The following BMPER variants were observed in gnomAD, a reference collection of about 807,000 sequenced individuals.
The protein encoded by BMPER is BMP binding endothelial regulator.
A neutral mutation model predicts 87.3 loss-of-function variants in BMPER; 45 were observed. The ratio of observed to expected loss-of-function variants is 0.52; its 90% CI spans 0.41 to 0.66. BMPER has a LOEUF of 0.66. Ranked by LOEUF, BMPER falls within the 30% of genes least tolerant of loss-of-function variation. BMPER has a pLI of 0.00. For synonymous variants in BMPER, 326 were observed against 316.2 expected, an observed-to-expected ratio of 1.03 and a Z score of -0.33; for missense variants, 784 against 867.5, an observed-to-expected ratio of 0.90 and a Z score of 1.21.
At chr7:34,143,135 A>G (rs1381925517) in intron 13 of BMPER, 95 bp from the exon 14 acceptor site, 3 of 1,564,122 alleles carry the variant, frequency 1.9e-6, no homozygotes, top group Non-Finnish European at 1.7e-6. Context: ...TGGGCCAATC[A>G]GGTTTTCCCA....
intron 3 of BMPER, among the ~76,000 whole-genome samples, chr7:33,940,945 T>C (rs1430696561): frequency 7.3e-6 from 1 of 136,998 alleles, no homozygotes; most frequent in Non-Finnish European, 1.5e-5. Context: ...AATTTATATA[T>C]GTAACATATA....
Position 34,154,597 on chromosome 7 carries a change from G to C in BMPER, c.*1324G>C, listed in dbSNP as rs919277327. On this transcript the variant is annotated 3_prime_UTR_variant, in exon 15 of 15. Transcript: ENST00000649409. ...ACAGCTGTATTTAGTTATAATTTTT[G>C]TATCTTACAACAGTATATATAAAGA... 1 of 152,102 alleles carries C rather than the reference G, an allele frequency of 6.6e-6. No individual in the cohort carries two copies. Among genetic ancestry groups the C allele is most frequent in the African/African-American group, 2.4e-5 (1 of 41,404 alleles). 9.4% of individuals were successfully genotyped at this position (152,102 alleles called of 1,614,324 possible).
At chr7:33,931,757 A>G (rs919244189) in intron 2 of BMPER, among the ~76,000 whole-genome samples, 1 of 152,198 alleles carries the variant, frequency 6.6e-6, no homozygotes, top group Non-Finnish European at 1.5e-5. Context: ...CCATATTCCT[A>G]ACAACAAATT....
At chr7:33,915,389 C>T (rs561793013) in intron 2 of BMPER, among the ~76,000 whole-genome samples, 17 of 152,088 alleles carry the variant, frequency 1.1e-4, no homozygotes, top group East Asian at 3.8e-4. Context: ...AAAAATATTA[C>T]GATATAATTT....
intron 9 of BMPER, among the ~76,000 whole-genome samples, chr7:34,057,821 C>G (rs1287057754): frequency 7.0e-6 from 1 of 142,896 alleles, no homozygotes; most frequent in Non-Finnish European, 1.5e-5. Flanking sequence ...TTTTTATATC[C>G]AGGAGGGGGA....
intron 6 of BMPER, among the ~76,000 whole-genome samples, chr7:33,993,253 A>G (rs1786284345): frequency 6.6e-6 from 1 of 151,410 alleles, no homozygotes; most frequent in Admixed American, 6.6e-5. Context: ...TTTCAGGTAC[A>G]CCAATCAGAC....
Position 34,078,851 on chromosome 7 carries a change from C to T in BMPER, c.1079-6C>T. The T allele has an allele frequency of 6.2e-7, 1 of 1,614,148 alleles. No individual in the cohort carries two copies. The highest frequency in any genetic ancestry group is 8.5e-7 in the Non-Finnish European group (1 of 1,180,008). On this transcript the variant is annotated splice_region_variant and splice_polypyrimidine_tract_variant and intron_variant, in intron 11 of 14. Transcript: ENST00000649409. ...GACCCGGCTTTTGTCTCTCACTCCTCCGCAGAGCCCGGCGTTTGCACGGTG... is the reference window on the plus strand; with the variant it reads ...GACCCGGCTTTTGTCTCTCACTCCTTCGCAGAGCCCGGCGTTTGCACGGTG...
intron 13 of BMPER, among the ~76,000 whole-genome samples, chr7:34,113,261 T>C (rs1790027484): frequency 6.6e-6 from 1 of 152,008 alleles, no homozygotes; most frequent in Admixed American, 6.5e-5. Context: ...TATAGTATGC[T>C]GCAATATTTT....
chr7:33,945,689 C>T (rs565819528), intron 3 of BMPER, among the ~76,000 whole-genome samples: 1 of 152,256 alleles, frequency 6.6e-6, no homozygotes, highest in Non-Finnish European at 1.5e-5. Context: ...AGACCTTTAC[C>T]TCCATCTGTT....
At chr7:34,051,579 G>T (rs1033000242) in intron 7 of BMPER, among the ~76,000 whole-genome samples, 1 of 152,142 alleles carries the variant, frequency 6.6e-6, no homozygotes, top group East Asian at 1.9e-4. Context: ...TCCATGAGGG[G>T]AGCTCATGTC....
intron 7 of BMPER, 128 bp from the exon 8 acceptor site, chr7:34,051,733 C>T (rs1788150000): frequency 1.2e-6 from 1 of 806,866 alleles, no homozygotes; most frequent in South Asian, 1.4e-5. Flanking sequence ...ACCCAAGACT[C>T]TATTTTTGTG....
At chr7:33,945,162 C>T (rs947727467) in intron 3 of BMPER, among the ~76,000 whole-genome samples, 5 of 151,588 alleles carry the variant, frequency 3.3e-5, no homozygotes, top group South Asian at 4.2e-4. Context: ...AGGATCGTCT[C>T]GATCTCCTGA....
intron 3 of BMPER, 37 bp from the exon 4 acceptor site, chr7:33,966,442 C>T: frequency 2.6e-6 from 4 of 1,565,188 alleles, no homozygotes; most frequent in Non-Finnish European, 3.5e-6. Flanking sequence ...CATACCCATT[C>T]TTGGCCTTTC....
chr7:33,986,778 C>G lies in BMPER; in HGVS notation c.576+11994C>G, dbSNP rs1367361628. Among the ~76,000 whole-genome samples, 20 of 152,110 alleles carry G rather than the reference C, an allele frequency of 1.3e-4. 1 individual carries two copies. The highest frequency in any genetic ancestry group is 9.2e-4 in the Admixed American group (14 of 15,270). On this transcript the variant is annotated intron_variant, in intron 6 of 14. Coordinates refer to ENST00000649409, the MANE Select transcript of BMPER (RefSeq NM_001365308.1). ...AAATAAAAGAAATATCCTTTTTAGT[C>G]AACAAAATAGGATAAAATATTAGTC...
intron 5 of BMPER, among the ~76,000 whole-genome samples, chr7:33,972,781 C>T (rs1785582293): frequency 6.6e-6 from 1 of 152,232 alleles, no homozygotes; most frequent in Non-Finnish European, 1.5e-5. Context: ...TTGGCAGGCT[C>T]TGTGTCCTCA....
chr7:33,918,254 A>G (rs1242852786), intron 2 of BMPER, among the ~76,000 whole-genome samples: 1 of 152,190 alleles, frequency 6.6e-6, no homozygotes, highest in Non-Finnish European at 1.5e-5. Context: ...ATGACATTTT[A>G]ATTCTTCGCC....
At chr7:34,071,002 C>G (rs1469304464) in intron 11 of BMPER, among the ~76,000 whole-genome samples, 1 of 152,092 alleles carries the variant, frequency 6.6e-6, no homozygotes, top group Non-Finnish European at 1.5e-5. Context: ...CGAAGCAGCT[C>G]TGCACTCTGG....
In BMPER at chr7:33,915,554, G is replaced by T. The variant is rs1784071687; in HGVS notation, c.219+8651G>T. Among the ~76,000 whole-genome samples the T allele has an allele frequency of 2.6e-5, 4 of 152,232 alleles. No homozygotes were observed. The South Asian group carries it at 8.3e-4, about 32-fold the overall frequency. Reference sequence around the variant, plus strand: ...AATGTATGGGTTTGAGTCTCACCTGGTTGCCTGGTAGCTGTGCACCACTGA... The same window carrying T: ...AATGTATGGGTTTGAGTCTCACCTGTTTGCCTGGTAGCTGTGCACCACTGA... On this transcript the variant is annotated intron_variant, in intron 2 of 14. Transcript: ENST00000649409.
intron 6 of BMPER, among the ~76,000 whole-genome samples, chr7:34,017,070 G>C (rs1787045374): frequency 6.6e-6 from 1 of 151,892 alleles, no homozygotes; most frequent in South Asian, 2.1e-4. Context: ...TTTCCTGGAA[G>C]GCCAGTCACT....
Sources: gnomAD v4.1 joint callset for allele counts (sites outside exome capture counted in the v4.1 genomes callset) on GRCh38, gnomAD v4.1.1 for gene constraint, MANE v1.5 for transcripts, NCBI Gene and HGNC (gene_info 2026-07-23, HGNC 2026-07-21) for gene names.